The following DCDC2C variants were observed in gnomAD, a reference collection of about 807,000 sequenced individuals.
DCDC2C encodes the protein doublecortin domain containing 2C.
DCDC2C carries 44 observed loss-of-function variants against 45.0 expected under a neutral mutation model. The ratio of observed to expected loss-of-function variants is 0.98; its 90% confidence interval spans 0.77 to 1.26. The LOEUF (loss-of-function observed/expected upper bound fraction) is 1.26. Among genes scored for constraint, DCDC2C ranks in the 50% most tolerant of loss-of-function variants. The pLI is 0.00. For synonymous variants in DCDC2C, 187 were observed against 178.8 expected (o/e 1.05, Z -0.37); for missense variants, 447 against 468.9 (o/e 0.95, Z 0.43).
chr2:3,846,345 T>G (rs910922603), intron 10 of DCDC2C, among the ~76,000 whole-genome samples: 2 of 151,896 alleles, frequency 1.3e-5, no homozygotes, highest in African/African-American at 4.8e-5. Flanking sequence ...AGTGCCACAA[T>G]GACAGTCTCA....
intron 10 of DCDC2C, among the ~76,000 whole-genome samples, chr2:3,800,352 G>C (rs957563800): frequency 6.6e-6 from 1 of 152,222 alleles, no homozygotes; most frequent in East Asian, 1.9e-4. Flanking sequence ...TCTGGGAGCT[G>C]TAGACCAGAG....
In DCDC2C at chr2:3,834,099, CT is replaced by C. The variant is rs1225419958; in HGVS notation, c.1066-13054del. On this transcript the variant is annotated intron_variant, in intron 10 of 10. Transcript: ENST00000399143. ...CTGTTTACTCCCCCTCCTGCCCCCCCTACCTCCATCCCTGGCCCAAGCCTCC... is the reference window on the plus strand; with the variant it reads ...CTGTTTACTCCCCCTCCTGCCCCCCCACCTCCATCCCTGGCCCAAGCCTCC... Among the ~76,000 whole-genome samples the C allele has an allele frequency of 1.5e-4, 23 of 151,138 alleles. No individual in the cohort carries two copies. In the South Asian group the frequency reaches 2.1e-3, roughly 14 times the overall value.
At chr2:3,827,212 T>C (rs1270223549) in intron 10 of DCDC2C, among the ~76,000 whole-genome samples, 3 of 151,994 alleles carry the variant, frequency 2.0e-5, no homozygotes, top group Non-Finnish European at 4.4e-5. Flanking sequence ...GGGGAAGAGA[T>C]CCTCTCAGAG....
intron 10 of DCDC2C, among the ~76,000 whole-genome samples, chr2:3,800,241 C>T (rs566437904): frequency 4.6e-4 from 70 of 152,254 alleles, no homozygotes; most frequent in African/African-American, 1.2e-3. Flanking sequence ...ACACGGTGCG[C>T]GCACCCACTG....
intron 3 of DCDC2C, among the ~76,000 whole-genome samples, chr2:3,730,243 G>C (rs1467995048): frequency 6.6e-6 from 1 of 152,072 alleles, no homozygotes; most frequent in Non-Finnish European, 1.5e-5. Context: ...TGGAGCCCAG[G>C]AGTTTGAGAT....
chr2:3,758,700 G>A (rs1206562944), intron 6 of DCDC2C, among the ~76,000 whole-genome samples: 2 of 152,176 alleles, frequency 1.3e-5, no homozygotes, highest in African/African-American at 4.8e-5. Context: ...TAAGTCCGGT[G>A]GGTTGGCTGC....
chr2:3,824,996 A>G (rs1294086261), intron 10 of DCDC2C, among the ~76,000 whole-genome samples: 1 of 152,092 alleles, frequency 6.6e-6, no homozygotes, highest in African/African-American at 2.4e-5. Flanking sequence ...GTGGGTCTTC[A>G]TCAGTTCCCT....
intron 3 of DCDC2C, among the ~76,000 whole-genome samples, chr2:3,732,094 T>A (rs996696729): frequency 2.0e-5 from 3 of 151,924 alleles, no homozygotes; most frequent in Non-Finnish European, 4.4e-5. Flanking sequence ...CGCAGGCAGA[T>A]CGAGATGGAG....
intron 10 of DCDC2C, among the ~76,000 whole-genome samples, chr2:3,809,351 G>C (rs142644728): frequency 2.6e-5 from 4 of 152,180 alleles, no homozygotes; most frequent in African/African-American, 4.8e-5. Flanking sequence ...ATGATATTGG[G>C]TATAAAATAC....
At chr2:3,743,060 A>C (rs1669261379) in intron 4 of DCDC2C, among the ~76,000 whole-genome samples, 1 of 152,182 alleles carries the variant, frequency 6.6e-6, no homozygotes, top group Admixed American at 6.5e-5. Flanking sequence ...GATGGGAAAA[A>C]TATCCCATGC....
intron 10 of DCDC2C, among the ~76,000 whole-genome samples, chr2:3,799,161 A>T (rs1271421355): frequency 6.6e-6 from 1 of 152,152 alleles, no homozygotes; most frequent in Admixed American, 6.5e-5. Flanking sequence ...AGTTGATCGC[A>T]TCGGCTCCTG....
intron 10 of DCDC2C, among the ~76,000 whole-genome samples, chr2:3,827,781 A>G (rs1251000722): frequency 6.6e-6 from 1 of 152,046 alleles, no homozygotes; most frequent in East Asian, 1.9e-4. Context: ...TAAAGATGCT[A>G]TTTTCACCAC....
At chr2:3,733,198 G>T (rs1282761578) in intron 3 of DCDC2C, among the ~76,000 whole-genome samples, 2 of 152,226 alleles carry the variant, frequency 1.3e-5, no homozygotes, top group Non-Finnish European at 2.9e-5. Context: ...GTATTTGTCA[G>T]TGAAGGAAGG....
intron 3 of DCDC2C, among the ~76,000 whole-genome samples, chr2:3,730,586 C>G (rs920006901): frequency 6.6e-6 from 1 of 152,176 alleles, no homozygotes; most frequent in Non-Finnish European, 1.5e-5. Context: ...CCCCCGCCCC[C>G]CGAGCTTCCA....
At chr2:3,810,296 T>C (rs1402525717) in intron 10 of DCDC2C, among the ~76,000 whole-genome samples, 2 of 152,254 alleles carry the variant, frequency 1.3e-5, no homozygotes, top group African/African-American at 4.8e-5. Context: ...TGGACTGGTG[T>C]GAGAGAGTAT....
At position 3,769,313 on chromosome 2, in the gene DCDC2C, G is replaced by T; in HGVS notation, c.856G>T (p.Gly286Cys). 6.5e-7 allele frequency: 1 copy of T among 1,549,770 alleles called. No homozygotes were observed. Among genetic ancestry groups the T allele is most frequent in the South Asian group, 1.2e-5 (1 of 84,032 alleles). ...AEPLVQRGAE[G>C]DVYKAPTPSK... ...TTGTCTGTGTGATTTTCTCCCAGAAGGTGACGTGTATAAAGCACCGACTCC... is the reference window on the plus strand; with the variant it reads ...TTGTCTGTGTGATTTTCTCCCAGAATGTGACGTGTATAAAGCACCGACTCC... Residue 286 changes from glycine to cysteine, a missense_variant and splice_region_variant, in exon 8 of 11, where the codon GGT becomes TGT. Transcript: ENST00000399143.
At chr2:3,798,726 C>G (rs1163112045) in intron 10 of DCDC2C, among the ~76,000 whole-genome samples, 1 of 152,126 alleles carries the variant, frequency 6.6e-6, no homozygotes, top group African/African-American at 2.4e-5. Context: ...TGTAGAGTTT[C>G]TGCCGAGAGA....
intron 9 of DCDC2C, among the ~76,000 whole-genome samples, 182 bp downstream of exon 9, chr2:3,779,066 CCAGT>C (rs60291909): frequency 0.017 from 2,664 of 152,322 alleles, 73 homozygotes; most frequent in African/African-American, 0.061. Context: ...GTTTCCTGTG[CCAGT>C]CAATTACATG....
intron 10 of DCDC2C, among the ~76,000 whole-genome samples, chr2:3,808,795 C>T (rs1454899130): frequency 6.6e-6 from 1 of 152,160 alleles, no homozygotes; most frequent in Non-Finnish European, 1.5e-5. Context: ...CGGATTGTGC[C>T]TTTTGTGTCC....
Sources: allele counts gnomAD v4.1 joint callset (sites outside exome capture counted in the v4.1 genomes callset), GRCh38; gene constraint gnomAD v4.1.1; transcripts MANE v1.5; gene names NCBI Gene and HGNC (gene_info 2026-07-23, HGNC 2026-07-21).